Variants in MRAP2 observed in about 807,000 individuals in gnomAD.
The protein encoded by MRAP2 is melanocortin-2 receptor accessory protein 2.
Under a neutral mutation model 17.4 loss-of-function variants are expected in MRAP2, and 20 were observed. That is an observed-to-expected ratio of 1.15 (90% confidence interval 0.81 to 1.67). MRAP2 has a LOEUF of 1.67. Ranked by LOEUF, MRAP2 falls within the 40% of genes most tolerant of loss-of-function variation. MRAP2 has a pLI of 0.00. For missense variants in MRAP2, 238 were observed against 240.0 expected, an observed-to-expected ratio of 0.99 and a Z score of 0.05; for synonymous variants, 96 against 88.4, an observed-to-expected ratio of 1.09 and a Z score of -0.48.
chr6:84,105,609 A>C, the MRAP2 span, among the ~76,000 whole-genome samples: 82 of 152,302 alleles, frequency 5.4e-4, 1 homozygote, highest in South Asian at 2.3e-3. Flanking sequence ...TCAGCATGGT[A>C]GTACTAAGAG....
At chr6:84,126,519 T>C in the MRAP2 span, 4 of 1,508,148 alleles carry the variant, frequency 2.7e-6, no homozygotes, top group Non-Finnish European at 3.6e-6. Flanking sequence ...TAATCTAAAA[T>C]TGACATATGA....
the MRAP2 span, among the ~76,000 whole-genome samples, chr6:84,102,273 G>A: frequency 1.3e-5 from 2 of 152,248 alleles, no homozygotes; most frequent in East Asian, 1.9e-4. Context: ...TTGGCAAAAG[G>A]GCCTTTGCAG....
chr6:84,067,467 A>G (rs543733784), intron 3 of MRAP2, among the ~76,000 whole-genome samples: 4 of 152,356 alleles, frequency 2.6e-5, no homozygotes, highest in African/African-American at 9.6e-5. Flanking sequence ...ACTGTTTCCC[A>G]TAGTGGCTGT....
chr6:84,099,225 T>C, the MRAP2 span, among the ~76,000 whole-genome samples: 1 of 150,228 alleles, frequency 6.7e-6, no homozygotes, highest in Non-Finnish European at 1.5e-5. Context: ...CGTTCCAGCA[T>C]GGTTTGGTGA....
intron 1 of MRAP2, among the ~76,000 whole-genome samples, chr6:84,036,563 GGTGA>G (rs1380161607): frequency 6.6e-6 from 1 of 151,994 alleles, no homozygotes; most frequent in Non-Finnish European, 1.5e-5. Flanking sequence ...AGACCTTCAC[GGTGA>G]GTGTTACAGC....
intron 3 of MRAP2, among the ~76,000 whole-genome samples, chr6:84,085,533 C>G (rs2099500210): frequency 6.6e-6 from 1 of 152,242 alleles, no homozygotes; most frequent in Admixed American, 6.5e-5. Flanking sequence ...AATTAGCCAT[C>G]CTGCATCCAC....
At chr6:84,060,507 T>C (rs1423605324) in intron 2 of MRAP2, among the ~76,000 whole-genome samples, 2 of 152,202 alleles carry the variant, frequency 1.3e-5, no homozygotes, top group Non-Finnish European at 1.5e-5. Context: ...GACTTAAATA[T>C]AGCATTGGTG....
rs1236418009 is a variant in MRAP2 at position 84,033,864 on chromosome 6, G to C, written c.-27G>C. On this transcript the variant is annotated 5_prime_UTR_variant, in exon 1 of 4. Transcript: ENST00000257776. ...GAGCCGGAACCAGGGCCGAGCCCGC[G>C]GGCCGGGGCTAGCCAGCCGGTAACC... 1.0e-6 allele frequency: 1 copy of C among 973,020 alleles called. No homozygotes were observed. The highest frequency in any genetic ancestry group is 2.1e-5 in the African/African-American group (1 of 46,666). 60.3% of individuals were successfully genotyped at this position (973,020 alleles called of 1,614,324 possible).
intron 1 of MRAP2, among the ~76,000 whole-genome samples, chr6:84,039,852 G>A (rs1025492166): frequency 6.6e-6 from 1 of 152,188 alleles, no homozygotes; most frequent in Non-Finnish European, 1.5e-5. Context: ...ATTAGGAGCT[G>A]AGTGAGAGAA....
At chr6:84,125,611 G>A in the MRAP2 span, among the ~76,000 whole-genome samples, 2 of 152,074 alleles carry the variant, frequency 1.3e-5, no homozygotes, top group Admixed American at 6.6e-5. Context: ...TAGAGACACC[G>A]AAGAGATCAT....
chr6:84,124,363 A>G, the MRAP2 span: 1 of 152,316 alleles, frequency 6.6e-6, no homozygotes, highest in East Asian at 1.9e-4. Context: ...ATATATAGAG[A>G]GAGATATATA....
At chr6:84,043,547 G>T (rs953021970) in intron 1 of MRAP2, among the ~76,000 whole-genome samples, 1 of 152,052 alleles carries the variant, frequency 6.6e-6, no homozygotes, top group Non-Finnish European at 1.5e-5. Context: ...TTCCCCCGCT[G>T]CAGGTTCCTG....
chr6:84,122,005 T>C, the MRAP2 span, among the ~76,000 whole-genome samples: 5 of 152,096 alleles, frequency 3.3e-5, no homozygotes, highest in South Asian at 1.0e-3. Flanking sequence ...AGTTGGTTCA[T>C]TGAAAGAGTA....
chr6:84,057,732 G>T (rs924503616), intron 2 of MRAP2, among the ~76,000 whole-genome samples: 1 of 152,180 alleles, frequency 6.6e-6, no homozygotes, highest in Non-Finnish European at 1.5e-5. Flanking sequence ...TATAGAGCTT[G>T]CATTCTAGTG....
chr6:84,122,352 C>CAAAA, the MRAP2 span, among the ~76,000 whole-genome samples: 322 of 36,030 alleles, frequency 8.9e-3, 29 homozygotes, highest in African/African-American at 0.03. Flanking sequence ...ACAGCACATC[C>CAAAA]AAAAAAAAAA....
At chr6:84,084,085 ACC>A (rs1433103056) in intron 3 of MRAP2, among the ~76,000 whole-genome samples, 1 of 152,072 alleles carries the variant, frequency 6.6e-6, no homozygotes, top group Non-Finnish European at 1.5e-5. Flanking sequence ...ATAATAATAA[ACC>A]TCTCATCCTT....
At chr6:84,037,264 C>T (rs1427984157) in intron 1 of MRAP2, among the ~76,000 whole-genome samples, 1 of 146,422 alleles carries the variant, frequency 6.8e-6, no homozygotes, top group African/African-American at 2.5e-5. Context: ...TTCTCCAAGT[C>T]CCCACCAGAT....
the MRAP2 span, among the ~76,000 whole-genome samples, chr6:84,145,898 C>A: frequency 6.6e-6 from 1 of 152,102 alleles, no homozygotes; most frequent in East Asian, 1.9e-4. Flanking sequence ...AGTATACAGA[C>A]TACTCCTACC....
intron 3 of MRAP2, among the ~76,000 whole-genome samples, chr6:84,080,679 T>TGA (rs1475310507): frequency 6.6e-6 from 1 of 152,258 alleles, no homozygotes; most frequent in African/African-American, 2.4e-5. Flanking sequence ...TTCAAAGTGC[T>TGA]GGTCCAGCAT....
Sources: allele counts gnomAD v4.1 joint callset (sites outside exome capture counted in the v4.1 genomes callset), GRCh38; gene constraint gnomAD v4.1.1; transcripts MANE v1.5; gene names NCBI Gene and HGNC (gene_info 2026-07-23, HGNC 2026-07-21).